CCDC39: variants seen among roughly 807,000 people sequenced by gnomAD.
CCDC39 encodes the protein coiled-coil domain 39 molecular ruler complex subunit.
A neutral mutation model predicts 121.0 loss-of-function variants in CCDC39; 113 were observed. The ratio of observed to expected loss-of-function variants is 0.93; its 90% CI spans 0.80 to 1.09. CCDC39 has a LOEUF of 1.09. Ranked by LOEUF, CCDC39 falls within the 50% of genes least tolerant of loss-of-function variation. The pLI, the probability that CCDC39 is intolerant of heterozygous loss-of-function variation, is 0.00. For synonymous variants in CCDC39, 349 were observed against 352.2 expected, an observed-to-expected ratio of 0.99 and a Z score of 0.10; for missense variants, 1,063 against 1,074.7, an observed-to-expected ratio of 0.99 and a Z score of 0.15.
At chr3:180,628,860 C>T (rs1320774480) in intron 14 of CCDC39, among the ~76,000 whole-genome samples, 2 of 152,084 alleles carry the variant, frequency 1.3e-5, no homozygotes, top group African/African-American at 4.8e-5. Flanking sequence ...TACCCACAGC[C>T]ATAAACATAA....
At chr3:180,637,228 T>G (rs968671830) in intron 13 of CCDC39, among the ~76,000 whole-genome samples, 4 of 151,806 alleles carry the variant, frequency 2.6e-5, no homozygotes, top group African/African-American at 9.7e-5. Context: ...TTAAACAAAT[T>G]TATAAGAAAA....
Position 180,660,740 on chromosome 3 carries a change from A to T in CCDC39, c.358-12T>A. 1 of 1,588,880 alleles carries T rather than the reference A, an allele frequency of 6.3e-7. No homozygotes were observed. The highest frequency in any genetic ancestry group is 8.6e-7 in the Non-Finnish European group (1 of 1,165,328). Reference sequence around the variant, plus strand: ...TTAAATATGCCATTCTAATTTCCAAAGAGAGAGAGAAAAGGGGAGATTACA... The same window carrying T: ...TTAAATATGCCATTCTAATTTCCAATGAGAGAGAGAAAAGGGGAGATTACA... On this transcript the variant is annotated splice_polypyrimidine_tract_variant and intron_variant, in intron 3 of 19. Coordinates refer to ENST00000476379, the MANE Select transcript of CCDC39 (RefSeq NM_181426.2).
intron 8 of CCDC39, 148 bp from the exon 9 acceptor site, chr3:180,651,681 C>A (rs556811869): frequency 3.0e-6 from 2 of 676,878 alleles, no homozygotes; most frequent in East Asian, 3.3e-5. Flanking sequence ...TTTAATAGAC[C>A]ATAAAAATAT....
At chr3:180,624,163 A>G (rs1444084377) in intron 14 of CCDC39, among the ~76,000 whole-genome samples, 1 of 152,124 alleles carries the variant, frequency 6.6e-6, no homozygotes, top group Non-Finnish European at 1.5e-5. Flanking sequence ...TCCCTTTATC[A>G]TTATATAATA....
At chr3:180,658,761 C>T (rs1389453848) in intron 6 of CCDC39, among the ~76,000 whole-genome samples, 1 of 152,126 alleles carries the variant, frequency 6.6e-6, no homozygotes, top group Non-Finnish European at 1.5e-5. Context: ...AGAATTTAAA[C>T]TCCCAGTAGC....
At chr3:180,620,288 G>C (rs1479998333) in intron 14 of CCDC39, among the ~76,000 whole-genome samples, 4 of 151,888 alleles carry the variant, frequency 2.6e-5, no homozygotes, top group Admixed American at 6.6e-5. Context: ...TGGGAAGAAA[G>C]GGAGGGAGGT....
At chr3:180,678,258 G>A (rs1712289665) in intron 1 of CCDC39, among the ~76,000 whole-genome samples, 1 of 152,090 alleles carries the variant, frequency 6.6e-6, no homozygotes, top group Non-Finnish European at 1.5e-5. Context: ...GCCCTCCTTT[G>A]GGGAAAAATT....
intron 4 of CCDC39, among the ~76,000 whole-genome samples, chr3:180,660,036 C>T (rs1010841336): frequency 2.0e-5 from 3 of 151,624 alleles, no homozygotes; most frequent in African/African-American, 7.3e-5. Flanking sequence ...TTATAATTTC[C>T]TATTTGAAAG....
At chr3:180,662,618 T>G (rs1417297317) in intron 2 of CCDC39, among the ~76,000 whole-genome samples, 1 of 152,168 alleles carries the variant, frequency 6.6e-6, no homozygotes, top group African/African-American at 2.4e-5. Context: ...TCTATTCATT[T>G]GAGGTTTGAT....
chr3:180,633,247 T>C (rs1717742199), intron 13 of CCDC39, among the ~76,000 whole-genome samples: 1 of 152,202 alleles, frequency 6.6e-6, no homozygotes, highest in Admixed American at 6.5e-5. Flanking sequence ...TATCCACCGA[T>C]TAATAAGCAT....
chr3:180,631,984 C>G (rs1424079087), intron 13 of CCDC39, among the ~76,000 whole-genome samples: 6 of 152,132 alleles, frequency 3.9e-5, no homozygotes, highest in Non-Finnish European at 8.8e-5. Context: ...GCATAAGATT[C>G]CTGTTTGACT....
rs1425069532 is a variant in CCDC39 at position 180,676,125 on chromosome 3, A to G, written c.90+3166T>C. On this transcript the variant is annotated intron_variant, in intron 1 of 19. Coordinates refer to ENST00000476379, the MANE Select transcript of CCDC39 (RefSeq NM_181426.2). ...TAAAACACCAAAAGCAATGGCAACAAAAGCCAAAATTGACAAATGGGATCT... is the reference window on the plus strand; with the variant it reads ...TAAAACACCAAAAGCAATGGCAACAGAAGCCAAAATTGACAAATGGGATCT... 4.6e-5 allele frequency among the ~76,000 whole-genome samples: 7 copies of G among 152,230 alleles called. 1 individual carries two copies. Among genetic ancestry groups the G allele is most frequent in the Admixed American group, 4.6e-4 (7 of 15,286 alleles).
chr3:180,673,952 G>A (rs1269953291), intron 1 of CCDC39, among the ~76,000 whole-genome samples: 2 of 151,842 alleles, frequency 1.3e-5, no homozygotes, highest in Admixed American at 1.3e-4. Flanking sequence ...ACAGTACTTG[G>A]CAATGCAGGC....
rs201125479 is a variant in CCDC39 at position 180,654,874 on chromosome 3, A to G, written c.818T>C (p.Ile273Thr). The change falls in exon 7 of 20, where the codon ATT becomes ACT. Residue 273 changes from isoleucine to threonine, a missense_variant. Coordinates refer to ENST00000476379, the MANE Select transcript of CCDC39 (RefSeq NM_181426.2). Reference protein sequence around the residue: ...KEKIKFLESEIGNNTEFEKRI... With the variant: ...KEKIKFLESETGNNTEFEKRI... ...TTTCTCAAACTCTGTGTTATTCCCA[A>G]TCTCACTTTCCAAAAACTTGATCTT... 1.0e-4 allele frequency: 166 copies of G among 1,596,946 alleles called. 3 individuals carry two copies. The South Asian group carries it at 1.9e-3, about 18-fold the overall frequency.
chr3:180,673,632 G>T (rs773876623), intron 1 of CCDC39, among the ~76,000 whole-genome samples: 1 of 152,138 alleles, frequency 6.6e-6, no homozygotes, highest in Non-Finnish European at 1.5e-5. Context: ...TGTTGCAGTG[G>T]TCTGGAACTG....
intron 6 of CCDC39, among the ~76,000 whole-genome samples, chr3:180,657,042 C>G (rs1031672356): frequency 6.6e-6 from 1 of 152,236 alleles, no homozygotes; most frequent in African/African-American, 2.4e-5. Context: ...TTCACTTTTA[C>G]TCTGTGGATT....
chr3:180,649,219 C>T (rs965319788), intron 9 of CCDC39, among the ~76,000 whole-genome samples: 5 of 152,126 alleles, frequency 3.3e-5, no homozygotes, highest in African/African-American at 9.7e-5. Context: ...GCCTCCACCA[C>T]GTGCAGCTCT....
Position 180,659,565 on chromosome 3 carries a change from C to A in CCDC39, c.625G>T (p.Ala209Ser). 6.2e-7 allele frequency: 1 copy of A among 1,612,766 alleles called. No homozygotes were observed. Among genetic ancestry groups the A allele is most frequent in the Non-Finnish European group, 8.5e-7 (1 of 1,179,426 alleles). ...TGAATCTTACGAAAATCTTGTGCTG[C>A]TTTATCCAATTCTAACTGTCAAACA... ...TISAQLELDK[A>S]AQDFRKIHNE... is the part of the protein sequence containing the mutation. Residue 209 changes from alanine (A) to serine (S), a missense_variant, in exon 6 of 20, where the codon GCA (alanine) becomes TCA (serine). By Grantham distance (99) the Ala-to-Ser change is moderately conservative (BLOSUM62 1). Transcript: ENST00000476379.
chr3:180,621,699 C>T (rs988722100), intron 14 of CCDC39, among the ~76,000 whole-genome samples: 10 of 151,990 alleles, frequency 6.6e-5, no homozygotes, highest in Non-Finnish European at 1.2e-4. Context: ...ATACTTTCCC[C>T]AGTGTATGTT....
Sources: allele counts gnomAD v4.1 joint callset (sites outside exome capture counted in the v4.1 genomes callset), GRCh38; gene constraint gnomAD v4.1.1; transcripts MANE v1.5; gene names NCBI Gene and HGNC (gene_info 2026-07-23, HGNC 2026-07-21).